The following JMJD1C variants were observed in gnomAD, a reference collection of about 807,000 sequenced individuals.
JMJD1C encodes the protein jumonji domain containing 1C, also known as jumonji domain-containing protein 1C.
In JMJD1C, 31 loss-of-function variants were observed where a neutral mutation model predicts 245.3. The observed-to-expected ratio is 0.13, with a 90% CI of 0.09 to 0.17. The LOEUF (loss-of-function observed/expected upper bound fraction) is 0.17, where lower values mean the gene tolerates loss of function less well. Ranked by LOEUF, JMJD1C falls within the 10% of genes least tolerant of loss-of-function variation. JMJD1C has a pLI of 1.00. For synonymous variants in JMJD1C, 1,057 were observed against 1,017.4 expected, an observed-to-expected ratio of 1.04 and a Z score of -0.74; for missense variants, 2,691 against 3,000.2, an observed-to-expected ratio of 0.90 and a Z score of 2.41.
intron 3 of JMJD1C, among the ~76,000 whole-genome samples, chr10:63,243,103 T>TTTTA (rs374884422): frequency 1.7e-5 from 2 of 120,108 alleles, no homozygotes; most frequent in African/African-American, 3.1e-5. Context: ...CTAACATAAA[T>TTTTA]TATATATATA....
chr10:63,483,597 T>C (rs1564962972), intron 1 of JMJD1C, among the ~76,000 whole-genome samples: 1 of 152,234 alleles, frequency 6.6e-6, no homozygotes, highest in African/African-American at 2.4e-5. Flanking sequence ...AGCATTATAA[T>C]AACAACCAAC....
rs1202775619 is a variant in JMJD1C, at chr10:63,272,260, AT to A, written c.334-7497del. Among the ~76,000 whole-genome samples the A allele has an allele frequency of 2.0e-5, 3 of 152,070 alleles. No homozygotes were observed. In the East Asian group the frequency reaches 5.8e-4, roughly 30 times the overall value. ...CATGCATGATCCAGAAGGTAACTTTATTTTTTTGAGATGGAGTTTTGCTCTT... is the reference window on the plus strand; with the variant it reads ...CATGCATGATCCAGAAGGTAACTTTATTTTTTGAGATGGAGTTTTGCTCTT... On this transcript the variant is annotated intron_variant, in intron 2 of 25. Coordinates refer to ENST00000399262, the MANE Select transcript of JMJD1C (RefSeq NM_032776.3).
intron 1 of JMJD1C, among the ~76,000 whole-genome samples, chr10:63,435,165 C>A (rs1950993713): frequency 6.6e-6 from 1 of 152,214 alleles, no homozygotes. Context: ...ATAACTTGCA[C>A]TCCTTTACTA....
intron 2 of JMJD1C, among the ~76,000 whole-genome samples, chr10:63,343,452 CTTCAT>C (rs1314483716): frequency 6.6e-6 from 1 of 151,652 alleles, no homozygotes; most frequent in Non-Finnish European, 1.5e-5. Context: ...TGGCTGGTGA[CTTCAT>C]TTGTTTTTCT....
chr10:63,380,633 G>T lies in JMJD1C; in HGVS notation c.169-151C>A, dbSNP rs963108526. On this transcript the variant is annotated intron_variant, in intron 1 of 25. Transcript: ENST00000399262. ...TGTAATGATCAAATCAGGGTAATTA[G>T]AATATCCATCACCTCAAATATTTAT... 6.6e-6 allele frequency: 4 copies of T among 609,208 alleles called. No homozygotes were observed. In the African/African-American group the frequency reaches 7.5e-5, roughly 11 times the overall value. The allele number at this position is 609,208 out of a possible 1,614,324, so 37.7% of individuals were successfully genotyped here. A position where few individuals can be genotyped will look rare whatever the true frequency, so the allele number is the denominator to read the frequency against.
chr10:63,183,134 T>G (rs978871142), intron 22 of JMJD1C, among the ~76,000 whole-genome samples: 7 of 152,188 alleles, frequency 4.6e-5, no homozygotes, highest in African/African-American at 1.4e-4. Context: ...GTACTGAGAT[T>G]ACAGGTGTGA....
In JMJD1C at chr10:63,361,945, T is replaced by C. The variant is rs184897764; in HGVS notation, c.333+18373A>G. On this transcript the variant is annotated intron_variant, in intron 2 of 25. Coordinates refer to ENST00000399262, the MANE Select transcript of JMJD1C (RefSeq NM_032776.3). ...GAAATACTGGCTTTTTAAAAATCACTAGTTTGGGCCAAGCACAGTGGTTCA... is the reference window on the plus strand; with the variant it reads ...GAAATACTGGCTTTTTAAAAATCACCAGTTTGGGCCAAGCACAGTGGTTCA... 2.1e-3 allele frequency among the ~76,000 whole-genome samples: 323 copies of C among 151,990 alleles called. 3 individuals are homozygous for C. The South Asian group carries it at 0.029, about 14-fold the overall frequency.
intron 1 of JMJD1C, among the ~76,000 whole-genome samples, chr10:63,389,356 G>A: frequency 6.9e-6 from 1 of 144,178 alleles, no homozygotes; most frequent in East Asian, 2.0e-4. Flanking sequence ...TAAATGGAGA[G>A]AAAGAGTACA....
At chr10:63,282,188 CTCCT>C (rs1340878355) in intron 2 of JMJD1C, among the ~76,000 whole-genome samples, 1 of 152,156 alleles carries the variant, frequency 6.6e-6, no homozygotes, top group African/African-American at 2.4e-5. Context: ...TCCCCATTAC[CTCCT>C]TGTTTGTTAA....
At chr10:63,287,153 A>G (rs1463896234) in intron 2 of JMJD1C, among the ~76,000 whole-genome samples, 3 of 152,356 alleles carry the variant, frequency 2.0e-5, no homozygotes, top group Admixed American at 1.3e-4. Flanking sequence ...CCACAGGTAC[A>G]TATTAGTATA....
chr10:63,482,296 A>G (rs1953854498), intron 1 of JMJD1C, among the ~76,000 whole-genome samples: 1 of 152,228 alleles, frequency 6.6e-6, no homozygotes, highest in South Asian at 2.1e-4. Flanking sequence ...GTACTTAAAC[A>G]TTCTTGGTTA....
chr10:63,373,741 T>A (rs1278940340), intron 2 of JMJD1C, among the ~76,000 whole-genome samples: 2 of 152,208 alleles, frequency 1.3e-5, no homozygotes, highest in Non-Finnish European at 2.9e-5. Context: ...TCCCTCAAAT[T>A]TCTCAAATCT....
chr10:63,463,783 T>C (rs561164448), intron 1 of JMJD1C, among the ~76,000 whole-genome samples: 1 of 152,284 alleles, frequency 6.6e-6, no homozygotes, highest in East Asian at 1.9e-4. Flanking sequence ...CAAATATATA[T>C]ATCTGTGTAA....
At chr10:63,474,343 G>A (rs1056243019) in intron 1 of JMJD1C, among the ~76,000 whole-genome samples, 4 of 152,162 alleles carry the variant, frequency 2.6e-5, no homozygotes, top group African/African-American at 9.6e-5. Flanking sequence ...CTTATAAAGC[G>A]GGCAGCCGTG....
At chr10:63,328,722 A>G (rs1442306834) in intron 2 of JMJD1C, among the ~76,000 whole-genome samples, 1 of 152,214 alleles carries the variant, frequency 6.6e-6, no homozygotes, top group Non-Finnish European at 1.5e-5. Context: ...CAACTTAAAT[A>G]CCTGGAACAT....
intron 2 of JMJD1C, among the ~76,000 whole-genome samples, chr10:63,337,624 A>AAAAGAAAAAGAAAAAGAAAAGAAAAG (rs139374030): frequency 1.7e-5 from 1 of 60,194 alleles, no homozygotes; most frequent in African/African-American, 7.4e-5. Context: ...AAAAGAAAAG[A>AAAAGAAAAAGAAAAAGAAAAGAAAAG]AAAAGAAAAG....
chr10:63,446,453 A>G (rs780534879), intron 1 of JMJD1C, among the ~76,000 whole-genome samples: 2 of 152,200 alleles, frequency 1.3e-5, no homozygotes, highest in Non-Finnish European at 2.9e-5. Flanking sequence ...AGATCCAAAC[A>G]AGGACATAGA....
intron 2 of JMJD1C, among the ~76,000 whole-genome samples, chr10:63,367,444 C>T (rs2134405283): frequency 6.6e-6 from 1 of 152,146 alleles, no homozygotes; most frequent in South Asian, 2.1e-4. Flanking sequence ...TGGGGTTTCT[C>T]CATGTTGGTC....
At chr10:63,303,525 C>G (rs1860343830) in intron 2 of JMJD1C, among the ~76,000 whole-genome samples, 2 of 152,108 alleles carry the variant, frequency 1.3e-5, no homozygotes, top group Non-Finnish European at 1.5e-5. Context: ...AGGCTGGTCT[C>G]GAACTCCTAA....
Sources: gnomAD v4.1 joint callset for allele counts (sites outside exome capture counted in the v4.1 genomes callset) on GRCh38, gnomAD v4.1.1 for gene constraint, MANE v1.5 for transcripts, NCBI Gene and HGNC (gene_info 2026-07-23, HGNC 2026-07-21) for gene names.